PLCE1: variants seen among roughly 807,000 people sequenced by gnomAD.
PLCE1 encodes 1-phosphatidylinositol 4,5-bisphosphate phosphodiesterase epsilon-1.
PLCE1 carries 119 observed loss-of-function variants against 242.8 expected under a neutral mutation model. That is an observed-to-expected ratio of 0.49 (90% CI 0.42 to 0.57). The LOEUF is 0.57. PLCE1 is among the 20% of genes least tolerant of loss of function. The pLI, the probability that PLCE1 is intolerant of heterozygous loss-of-function variation, is 0.00. For missense variants in PLCE1, 2,441 were observed against 2,788.8 expected (o/e 0.88, Z 2.81); for synonymous variants, 945 against 1,017.4 (o/e 0.93, Z 1.35).
chr10:94,152,651 G>A (rs1271998832), intron 3 of PLCE1, among the ~76,000 whole-genome samples: 7 of 152,166 alleles, frequency 4.6e-5, no homozygotes, highest in South Asian at 4.1e-4. Context: ...CTAATTGTAC[G>A]TCAGCCACGG....
At chr10:94,113,542 A>C (rs1018472594) in intron 2 of PLCE1, among the ~76,000 whole-genome samples, 4 of 152,188 alleles carry the variant, frequency 2.6e-5, no homozygotes, top group Admixed American at 2.0e-4. Flanking sequence ...ACCTTCATAG[A>C]ATGTACTGTA....
At position 94,246,510 on chromosome 10, in the gene PLCE1, T is replaced by G; in HGVS notation, c.2985T>G (p.Ala995=). ...ACTTCGTGGCACCAAAGCACACAGC[T>G]AAAATGCTCTTCAGCGGATTATTGG... ...LLHFVAPKHT[A]KMLFSGLLEL... Residue 995 remains alanine, a synonymous_variant, in exon 8 of 33, where the codon GCT becomes GCG. Coordinates refer to ENST00000371380, the MANE Select transcript of PLCE1 (RefSeq NM_016341.4). The G allele has an allele frequency of 6.2e-7, 1 of 1,614,122 alleles. No individual in the cohort carries two copies. Among genetic ancestry groups the G allele is most frequent in the Non-Finnish European group, 8.5e-7 (1 of 1,179,964 alleles).
chr10:94,255,107 A>G, intron 11 of PLCE1, 58 bp downstream of exon 11: 1 of 1,554,702 alleles, frequency 6.4e-7, no homozygotes, highest in Non-Finnish European at 8.9e-7. Flanking sequence ...GTTGTGTGGA[A>G]GGGCATATCT....
At chr10:94,251,899 A>G (rs1178993299) in intron 8 of PLCE1, among the ~76,000 whole-genome samples, 1 of 152,142 alleles carries the variant, frequency 6.6e-6, no homozygotes, top group African/African-American at 2.4e-5. Context: ...TTGAAAACCT[A>G]CCTGGCAATA....
chr10:94,113,873 C>T (rs2046033270), intron 2 of PLCE1, among the ~76,000 whole-genome samples: 1 of 151,998 alleles, frequency 6.6e-6, no homozygotes, highest in Non-Finnish European at 1.5e-5. Flanking sequence ...CTGAGGAACT[C>T]CCTTGACCAT....
At chr10:94,195,773 A>G (rs898309549) in intron 4 of PLCE1, among the ~76,000 whole-genome samples, 5 of 152,094 alleles carry the variant, frequency 3.3e-5, no homozygotes, top group African/African-American at 9.7e-5. Flanking sequence ...GACTTTTGGG[A>G]ATTTCTTTGA....
intron 2 of PLCE1, chr10:94,121,171 A>G (rs2046287716): frequency 6.6e-6 from 1 of 152,278 alleles, no homozygotes; most frequent in Non-Finnish European, 1.5e-5. Flanking sequence ...TGGAATCCAG[A>G]GTTGAGCTGT....
In PLCE1 at chr10:94,246,251, G is replaced by T; in HGVS notation, c.2726G>T (p.Gly909Val). 1 of 1,614,188 alleles carries T rather than the reference G, an allele frequency of 6.2e-7. No individual in the cohort carries two copies. The highest frequency in any genetic ancestry group is 8.5e-7 in the Non-Finnish European group (1 of 1,180,020). ...ASPASSKAKL[G>V]VLNNTAEPGK... Reference sequence around the variant, plus strand: ...CCAGCCAGCAGTAAAGCAAAACTTGGTGTACTTAATAACACAGCTGAGCCT... The same window carrying T: ...CCAGCCAGCAGTAAAGCAAAACTTGTTGTACTTAATAACACAGCTGAGCCT... Residue 909 changes from glycine (G) to valine (V), a missense_variant, in exon 8 of 33, where the codon GGT becomes GTT. Gly to Val is a moderately radical substitution (Grantham distance 109, BLOSUM62 -3). Around this residue, in one of 5 missense-constraint regions of PLCE1, gnomAD observed 733 missense variants for 754.2 expected, o/e 0.97. Coordinates refer to ENST00000371380, the MANE Select transcript of PLCE1 (RefSeq NM_016341.4).
chr10:94,098,334 T>C (rs909726353), intron 2 of PLCE1, among the ~76,000 whole-genome samples: 8 of 152,194 alleles, frequency 5.3e-5, no homozygotes, highest in African/African-American at 1.9e-4. Context: ...ACATTGCCAA[T>C]ATTGTTTTAT....
chr10:94,127,962 G>A (rs2046481289), intron 2 of PLCE1, among the ~76,000 whole-genome samples: 1 of 148,536 alleles, frequency 6.7e-6, no homozygotes, highest in African/African-American at 2.5e-5. Context: ...ATAAGTGAGT[G>A]ATCTAGGAAG....
chr10:94,066,053 T>C (rs944514000), intron 2 of PLCE1, among the ~76,000 whole-genome samples: 4 of 152,118 alleles, frequency 2.6e-5, no homozygotes, highest in Admixed American at 2.0e-4. Flanking sequence ...AGTTCATCTA[T>C]AAAACAATCT....
At chr10:94,220,124 C>T (rs1183659476) in intron 4 of PLCE1, among the ~76,000 whole-genome samples, 1 of 151,420 alleles carries the variant, frequency 6.6e-6, no homozygotes. Flanking sequence ...GAACCATGGC[C>T]CGTGCTTTAA....
Position 94,308,713 on chromosome 10 carries a change from G to C in PLCE1, c.6003+14G>C. On this transcript the variant is annotated intron_variant, in intron 27 of 32. Transcript: ENST00000371380. Reference sequence around the variant, plus strand: ...TCAGCCTCTTCGGTAATGAAGTTCTGTTTCACTCAACATATTTATGGGGAT... The same window carrying C: ...TCAGCCTCTTCGGTAATGAAGTTCTCTTTCACTCAACATATTTATGGGGAT... 6.6e-7 allele frequency: 1 copy of C among 1,506,840 alleles called. No individual in the cohort carries two copies. Among genetic ancestry groups the C allele is most frequent in the Non-Finnish European group, 9.2e-7 (1 of 1,082,226 alleles). 93.3% of individuals were successfully genotyped at this position (1,506,840 alleles called of 1,614,324 possible). A position where few individuals can be genotyped will look rare whatever the true frequency, so the allele number is the denominator to read the frequency against.
At chr10:94,238,640 GAATA>G (rs1487098873) in intron 7 of PLCE1, among the ~76,000 whole-genome samples, 1 of 152,142 alleles carries the variant, frequency 6.6e-6, no homozygotes, top group Non-Finnish European at 1.5e-5. Flanking sequence ...CCAGCATAAA[GAATA>G]AATAAACTAT....
chr10:94,235,300 A>G (rs1252318465), intron 6 of PLCE1, among the ~76,000 whole-genome samples: 1 of 152,124 alleles, frequency 6.6e-6, no homozygotes, highest in East Asian at 1.9e-4. Flanking sequence ...AGCTTAAAGG[A>G]AGACTCCCGG....
chr10:94,297,590 TAAAAAAAAAAAAAAAAAAAAAAAAA>T (rs71031568), intron 23 of PLCE1, among the ~76,000 whole-genome samples: 2 of 56,582 alleles, frequency 3.5e-5, no homozygotes, highest in South Asian at 1.0e-3. Context: ...TTTAAATTTG[TAAAAAAAAAAAAAAAAAAAAAAAAA>T]AAAAAAAAAA....
intron 3 of PLCE1, among the ~76,000 whole-genome samples, chr10:94,163,623 G>A (rs1300272575): frequency 1.3e-5 from 2 of 152,080 alleles, no homozygotes; most frequent in African/African-American, 4.8e-5. Context: ...TTGCCAGTCT[G>A]TGTCTTTTAA....
At chr10:94,236,953 A>G (rs2050345605) in intron 7 of PLCE1, among the ~76,000 whole-genome samples, 1 of 152,206 alleles carries the variant, frequency 6.6e-6, no homozygotes, top group East Asian at 1.9e-4. Context: ...TGAGGATATT[A>G]AAGAAAAGAA....
At chr10:94,167,948 A>G (rs2047859807) in intron 3 of PLCE1, among the ~76,000 whole-genome samples, 1 of 151,932 alleles carries the variant, frequency 6.6e-6, no homozygotes, top group African/African-American at 2.4e-5. Context: ...CGGCCTCCCA[A>G]AGTGCTGGAA....
Sources: gnomAD v4.1 joint callset for allele counts (sites outside exome capture counted in the v4.1 genomes callset) on GRCh38, gnomAD v4.1.1 for gene constraint, gnomAD v4.1.1 regional missense constraint, MANE v1.5 for transcripts, NCBI Gene and HGNC (gene_info 2026-07-23, HGNC 2026-07-21) for gene names.